FOCAD: variants seen among roughly 807,000 people sequenced by gnomAD.
FOCAD encodes the protein focadhesin, also known as KIAA1797.
FOCAD carries 198 observed loss-of-function variants against 225.6 expected under a neutral mutation model. The ratio of observed to expected loss-of-function variants is 0.88; its 90% CI spans 0.78 to 0.99. FOCAD has a LOEUF of 0.99. Ranked by LOEUF, FOCAD falls within the 50% of genes least tolerant of loss-of-function variation. The pLI is 0.00. For missense variants in FOCAD, 2,713 were observed against 2,123.6 expected (o/e 1.28, Z -5.46); for synonymous variants, 897 against 755.0 (o/e 1.19, Z -3.08).
intron 11 of FOCAD, among the ~76,000 whole-genome samples, chr9:20,799,003 G>C (rs151014354): frequency 0.16 from 24,578 of 152,054 alleles, 2,435 homozygotes; most frequent in Non-Finnish European, 0.22. Flanking sequence ...AAATTTCCCT[G>C]TACACACTGC....
intron 15 of FOCAD, among the ~76,000 whole-genome samples, chr9:20,832,318 T>C (rs1040712591): frequency 3.3e-5 from 5 of 152,094 alleles, no homozygotes; most frequent in African/African-American, 1.2e-4. Context: ...ACTTTTCTTC[T>C]GTTCTCCCCA....
chr9:20,760,539 C>A (rs1486650435), intron 6 of FOCAD, among the ~76,000 whole-genome samples: 3 of 152,218 alleles, frequency 2.0e-5, no homozygotes, highest in Admixed American at 2.0e-4. Flanking sequence ...TTTTTACTTA[C>A]TGGTATCTAC....
chr9:20,789,660 A>C (rs754704553), intron 11 of FOCAD, 52 bp downstream of exon 11: 20 of 1,591,444 alleles, frequency 1.3e-5, no homozygotes, highest in Non-Finnish European at 1.7e-5. Flanking sequence ...TAATCATTGG[A>C]AATGTAGATT....
chr9:20,866,916 T>TTTTTTTTTTTTTTTTTTTTTTTTTTTTTC lies in FOCAD; in HGVS notation c.2107-12_2107-11insTTTTTTTTTTTTTTTTTTTTTTTTTTTCT. On this transcript the variant is annotated splice_polypyrimidine_tract_variant and intron_variant, in intron 17 of 43. Coordinates refer to ENST00000338382, the MANE Select transcript of FOCAD (RefSeq NM_001375567.1). ...TTTTTTTTTTTTTTTTTTTTTTTTT[T>TTTTTTTTTTTTTTTTTTTTTTTTTTTTTC]TACCCTATCTAGGACCCAATTGTAG... 1.1e-6 allele frequency: 1 copy of TTTTTTTTTTTTTTTTTTTTTTTTTTTTTC among 885,978 alleles called. No homozygotes were observed. 54.9% of individuals were successfully genotyped at this position (885,978 alleles called of 1,614,324 possible).
intron 10 of FOCAD, among the ~76,000 whole-genome samples, chr9:20,787,376 T>A (rs1820029468): frequency 6.6e-6 from 1 of 152,224 alleles, no homozygotes; most frequent in Admixed American, 6.5e-5. Flanking sequence ...TAGTCATTTC[T>A]TAAATTTTAC....
intron 11 of FOCAD, among the ~76,000 whole-genome samples, chr9:20,793,691 C>G (rs1293792529): frequency 2.0e-5 from 3 of 152,168 alleles, no homozygotes; most frequent in Admixed American, 6.5e-5. Context: ...TGGAGTCTAT[C>G]TGCTTCCAAC....
intron 1 of FOCAD, among the ~76,000 whole-genome samples, chr9:20,714,140 T>A (rs1003451700): frequency 6.6e-6 from 1 of 151,336 alleles, no homozygotes; most frequent in Non-Finnish European, 1.5e-5. Context: ...GATTTGGATT[T>A]AAAAAAAAAA....
chr9:20,883,291 A>C (rs941996324), intron 20 of FOCAD, among the ~76,000 whole-genome samples: 1 of 152,238 alleles, frequency 6.6e-6, no homozygotes, highest in African/African-American at 2.4e-5. Context: ...GAGGAAATAG[A>C]CAAACCCACA....
intron 2 of FOCAD, among the ~76,000 whole-genome samples, chr9:20,674,716 T>C (rs761718530): frequency 7.9e-5 from 12 of 152,238 alleles, no homozygotes; most frequent in Non-Finnish European, 1.2e-4. Context: ...ATGATGATTT[T>C]ATTTGACTTT....
Position 20,866,917 on chromosome 9 carries a change from T to TTTTTTTTTTTTTTTTTTTG in FOCAD, c.2107-12_2107-11insTTTTTTTTTTTTTTTTTTG. 2 of 764,972 alleles carry TTTTTTTTTTTTTTTTTTTG rather than the reference T, an allele frequency of 2.6e-6. No individual in the cohort carries two copies. The highest frequency in any genetic ancestry group is 2.0e-6 in the Non-Finnish European group (1 of 498,468). The allele number at this position is 764,972 out of a possible 1,614,324, so 47.4% of individuals were successfully genotyped here. On this transcript the variant is annotated splice_polypyrimidine_tract_variant and intron_variant, in intron 17 of 43. Transcript: ENST00000338382. ...TTTTTTTTTTTTTTTTTTTTTTTTT[T>TTTTTTTTTTTTTTTTTTTG]ACCCTATCTAGGACCCAATTGTAGC... is the stretch of plus-strand genomic sequence containing the variant.
chr9:20,898,290 G>C (rs1005195827), intron 21 of FOCAD, among the ~76,000 whole-genome samples: 6 of 151,498 alleles, frequency 4.0e-5, no homozygotes, highest in African/African-American at 4.8e-5. Flanking sequence ...TAATTTGGGA[G>C]CATCTCAAGA....
chr9:20,949,782 C>T (rs1380606167), intron 33 of FOCAD, 107 bp downstream of exon 33: 1 of 960,876 alleles, frequency 1.0e-6, no homozygotes, highest in South Asian at 1.5e-5. Flanking sequence ...GGGAAAGTCT[C>T]TGGTTATTCC....
intron 28 of FOCAD, among the ~76,000 whole-genome samples, chr9:20,935,554 C>G (rs1239784697): frequency 6.6e-6 from 1 of 152,142 alleles, no homozygotes; most frequent in Non-Finnish European, 1.5e-5. Flanking sequence ...GCATACATCA[C>G]CACGCCCAGC....
At position 20,865,978 on chromosome 9, in the gene FOCAD, T is replaced by A; in HGVS notation, c.2106+2T>A. 6.2e-7 allele frequency: 1 copy of A among 1,605,028 alleles called. No individual in the cohort carries two copies. The highest frequency in any genetic ancestry group is 8.5e-7 in the Non-Finnish European group (1 of 1,175,666). On this transcript the variant is annotated splice_donor_variant, in intron 17 of 43. Coordinates refer to ENST00000338382, the MANE Select transcript of FOCAD (RefSeq NM_001375567.1). LOFTEE classifies it high-confidence loss of function. ...CTCTGGACTCATACTCAAAACAAGG[T>A]ACTATCACAAGGCTTGTCAGTGAAT...
intron 1 of FOCAD, among the ~76,000 whole-genome samples, chr9:20,691,513 G>A (rs1172758265): frequency 6.7e-6 from 1 of 150,186 alleles, no homozygotes; most frequent in South Asian, 2.1e-4. Flanking sequence ...ATGGAGTCTC[G>A]CTCTGTCCCC....
intron 5 of FOCAD, among the ~76,000 whole-genome samples, chr9:20,753,825 T>C (rs1400192802): frequency 2.0e-5 from 3 of 150,370 alleles, no homozygotes; most frequent in Non-Finnish European, 4.4e-5. Flanking sequence ...GTGCAGTGTT[T>C]GTGTTTATTT....
At position 20,978,411 on chromosome 9, in the gene FOCAD, T is replaced by C; in HGVS notation, c.4334T>C (p.Leu1445Pro). 6.2e-7 allele frequency: 1 copy of C among 1,612,332 alleles called. No individual in the cohort carries two copies. Reference sequence around the variant, plus strand: ...CAGTCATCCCAGAATGCAGCTGCACTATTGGGCTTGTGGGTGACACCACCA... The same window carrying C: ...CAGTCATCCCAGAATGCAGCTGCACCATTGGGCTTGTGGGTGACACCACCA... ...QAQSSQNAAALLGLWVTPPLI... is the reference protein window; with the variant it reads ...QAQSSQNAAAPLGLWVTPPLI... The change falls in exon 37 of 44, where the codon CTA becomes CCA. Residue 1445 changes from leucine (L) to proline (P), a missense_variant. Physicochemically the swap from Leu to Pro is moderately conservative, Grantham distance 98. Coordinates refer to ENST00000338382, the MANE Select transcript of FOCAD (RefSeq NM_001375567.1).
intron 11 of FOCAD, among the ~76,000 whole-genome samples, chr9:20,815,496 G>A (rs1823632302): frequency 6.6e-6 from 1 of 151,708 alleles, no homozygotes; most frequent in Non-Finnish European, 1.5e-5. Context: ...CCAGTATCTT[G>A]GTTGGCAGTA....
intron 4 of FOCAD, among the ~76,000 whole-genome samples, chr9:20,737,870 C>G (rs1827275764): frequency 6.6e-6 from 1 of 152,184 alleles, no homozygotes; most frequent in Admixed American, 6.5e-5. Context: ...GCTGTGTGAA[C>G]TCTACCCTGT....
Sources: gnomAD v4.1 joint callset for allele counts (sites outside exome capture counted in the v4.1 genomes callset) on GRCh38, gnomAD v4.1.1 for gene constraint, MANE v1.5 for transcripts, NCBI Gene and HGNC (gene_info 2026-07-23, HGNC 2026-07-21) for gene names.